Variants in PATL2 observed in about 807,000 individuals in gnomAD.
The protein encoded by PATL2 is protein PAT1 homolog 2.
Under a neutral mutation model 77.0 loss-of-function variants are expected in PATL2, and 73 were observed. The observed-to-expected ratio is 0.95, with a 90% CI of 0.78 to 1.15. The LOEUF (loss-of-function observed/expected upper bound fraction) is 1.15, where lower values mean the gene tolerates loss of function less well. Ranked by LOEUF, PATL2 falls within the 50% of genes most tolerant of loss-of-function variation. The pLI is 0.00. For missense variants in PATL2, 618 were observed against 655.4 expected (o/e 0.94, Z 0.62); for synonymous variants, 265 against 257.1 (o/e 1.03, Z -0.29).
intron 3 of PATL2, among the ~76,000 whole-genome samples, chr15:44,704,305 C>T (rs1443192486): frequency 6.6e-6 from 1 of 151,950 alleles, no homozygotes. Flanking sequence ...TGGGAGCCAC[C>T]ACTCCTGGCC....
At chr15:44,686,928 A>G (rs2086271230) in intron 3 of PATL2, among the ~76,000 whole-genome samples, 1 of 152,210 alleles carries the variant, frequency 6.6e-6, no homozygotes, top group Admixed American at 6.5e-5. Context: ...CTACTAATCA[A>G]AAAAGTCCAG....
chr15:44,665,758 C>G lies in PATL2; in HGVS notation c.*195G>C. 1 of 1,428,286 alleles carries G rather than the reference C, an allele frequency of 7.0e-7. No individual in the cohort carries two copies. The allele number at this position is 1,428,286 out of a possible 1,614,324, so 88.5% of individuals were successfully genotyped here. ...CATTCTATTATCTCTTTAATTATAC[C>G]TTATTATGCCATGTCTTATTTTTAG... On this transcript the variant is annotated 3_prime_UTR_variant, in exon 18 of 18. Coordinates refer to ENST00000682850, the MANE Select transcript of PATL2 (RefSeq NM_001387263.1).
At chr15:44,675,426 C>T (rs572130951) in intron 5 of PATL2, 60 bp downstream of exon 5, 3 of 1,481,666 alleles carry the variant, frequency 2.0e-6, no homozygotes, top group Non-Finnish European at 1.8e-6. Flanking sequence ...TGTTTAGTGA[C>T]AGCCTGTGAG....
chr15:44,691,732 T>G (rs2141247190), intron 3 of PATL2, among the ~76,000 whole-genome samples: 1 of 151,814 alleles, frequency 6.6e-6, no homozygotes, highest in South Asian at 2.1e-4. Flanking sequence ...CACACACCTG[T>G]AGTACCATCT....
chr15:44,671,264 G>A (rs146953638), intron 9 of PATL2, among the ~76,000 whole-genome samples: 139 of 152,214 alleles, frequency 9.1e-4, no homozygotes, highest in African/African-American at 3.0e-3. Context: ...CGAGGCGGGT[G>A]GATCACTTGA....
At chr15:44,710,380 C>T (rs2086831058) in intron 2 of PATL2, among the ~76,000 whole-genome samples, 166 bp from the exon 3 acceptor site, 1 of 152,176 alleles carries the variant, frequency 6.6e-6, no homozygotes, top group Non-Finnish European at 1.5e-5. Context: ...GATCTGTGGA[C>T]TCCACCACCA....
At chr15:44,701,311 G>A (rs928058570) in intron 3 of PATL2, among the ~76,000 whole-genome samples, 4 of 151,452 alleles carry the variant, frequency 2.6e-5, no homozygotes, top group South Asian at 2.1e-4. Context: ...TACTGGCCAC[G>A]TAGATGAGTT....
rs953229348 is a variant in PATL2, at chr15:44,675,283, A to G, written c.222+203T>C. 11 of 625,790 alleles carry G rather than the reference A, an allele frequency of 1.8e-5. No individual in the cohort carries two copies. In the African/African-American group the frequency reaches 1.8e-4, roughly 11 times the overall value. 38.8% of individuals were successfully genotyped at this position (625,790 alleles called of 1,614,324 possible). On this transcript the variant is annotated intron_variant, in intron 5 of 17. Transcript: ENST00000682850. ...TCTGCTAGGACCTGGTTTTAAGGCG[A>G]GAACAGCATCAGAAATGAAGTGGGA...
intron 13 of PATL2, 51 bp downstream of exon 13, chr15:44,669,215 AGCAAGACCAGTGTC>A (rs1812593692): frequency 1.1e-5 from 17 of 1,528,554 alleles, no homozygotes; most frequent in Non-Finnish European, 1.2e-5. Flanking sequence ...GAGAGGCAGA[AGCAAGACCAGTGTC>A]TTTGCTGCTC....
At chr15:44,684,052 A>G (rs1250177443) in intron 3 of PATL2, among the ~76,000 whole-genome samples, 1 of 151,108 alleles carries the variant, frequency 6.6e-6, no homozygotes, top group Non-Finnish European at 1.5e-5. Flanking sequence ...TAGCATCAAC[A>G]TAAAAAAAAA....
chr15:44,676,812 C>T (rs1481800135), intron 3 of PATL2: 1 of 1,158,852 alleles, frequency 8.6e-7, no homozygotes, highest in Non-Finnish European at 1.1e-6. Context: ...TACTTCCCAA[C>T]CGACATCACC....
At position 44,711,109 on chromosome 15, in the gene PATL2, A is replaced by G. The variant is rs2086852311; in HGVS notation, c.-343T>C. 1 of 318,938 alleles carries G rather than the reference A, an allele frequency of 3.1e-6. No homozygotes were observed. The highest frequency in any genetic ancestry group is 4.4e-5 in the Admixed American group (1 of 22,750). 19.8% of individuals were successfully genotyped at this position (318,938 alleles called of 1,614,324 possible). On this transcript the variant is annotated 5_prime_UTR_variant, in exon 1 of 18. Coordinates refer to ENST00000682850, the MANE Select transcript of PATL2 (RefSeq NM_001387263.1). ...TGCTAGGTAGCATTCAAAGATCTTA[A>G]TCTTCTGGGTTTCCGTTTTCTCGAA...
chr15:44,666,525 G>C lies in PATL2; in HGVS notation c.1480C>G (p.Leu494Val). ...ATTTGGGCTATCTCCCAGGCAATCA[G>C]AACCACCATGTCTGTCCTAGAGAGC... is the stretch of plus-strand genomic sequence containing the variant. ...DHTAWTDMVV[L>V]IAWEIAQMPT... The change falls in exon 17 of 18, where the codon CTG becomes GTG. Residue 494 changes from leucine to valine, a missense_variant. Transcript: ENST00000682850. 1 of 1,550,660 alleles carries C rather than the reference G, an allele frequency of 6.4e-7. No homozygotes were observed.
chr15:44,668,959 C>T, intron 14 of PATL2, 21 bp downstream of exon 14: 1 of 1,514,836 alleles, frequency 6.6e-7, no homozygotes, highest in South Asian at 1.3e-5. Flanking sequence ...CCATCCTCTT[C>T]TCCACTCAAT....
intron 3 of PATL2, among the ~76,000 whole-genome samples, chr15:44,706,206 C>A (rs555771489): frequency 1.3e-5 from 2 of 152,106 alleles, no homozygotes; most frequent in Non-Finnish European, 2.9e-5. Context: ...CCTGGCTGGT[C>A]CTGATGCTTG....
intron 7 of PATL2, 85 bp downstream of exon 7, chr15:44,673,150 T>C: frequency 1.4e-6 from 2 of 1,456,632 alleles, no homozygotes; most frequent in East Asian, 5.0e-5. Flanking sequence ...TTTCTGTGTT[T>C]CCCTGTGGCA....
In PATL2 at chr15:44,675,691, C is replaced by T. The variant is rs1318330076; in HGVS notation, c.17G>A (p.Gly6Glu). ...CAAGGGGCCACAGGTCTTACCTGGC[C>T]CTTGGTTTAAGTGTGGGCCAGAGGA... MNCLEGPGKTCGPLAS... is the reference protein window; with the variant it reads MNCLEEPGKTCGPLAS... Residue 6 changes from glycine (G) to glutamate (E), a missense_variant and splice_region_variant, in exon 5 of 18, where the codon GGG becomes GAG. By Grantham distance (98) the Gly-to-Glu change is moderately conservative (BLOSUM62 -2). Transcript: ENST00000682850. 1 of 1,546,696 alleles carries T rather than the reference C, an allele frequency of 6.5e-7. No homozygotes were observed. The highest frequency in any genetic ancestry group is 1.4e-5 in the African/African-American group (1 of 72,882).
intron 3 of PATL2, among the ~76,000 whole-genome samples, chr15:44,686,540 A>T (rs1369926855): frequency 6.6e-6 from 1 of 152,186 alleles, no homozygotes; most frequent in Non-Finnish European, 1.5e-5. Flanking sequence ...CTAGCAGAAG[A>T]CAAGAAATAA....
intron 3 of PATL2, among the ~76,000 whole-genome samples, chr15:44,678,845 A>T (rs941009639): frequency 4.6e-5 from 7 of 151,558 alleles, no homozygotes; most frequent in Non-Finnish European, 8.8e-5. Flanking sequence ...TACATAAAAC[A>T]CTCTTTTATG....
Sources: gnomAD v4.1 joint callset for allele counts (sites outside exome capture counted in the v4.1 genomes callset) on GRCh38, gnomAD v4.1.1 for gene constraint, MANE v1.5 for transcripts, NCBI Gene and HGNC (gene_info 2026-07-23, HGNC 2026-07-21) for gene names.